The following DIS3L2 variants were observed in gnomAD, a reference collection of about 807,000 sequenced individuals.
The protein encoded by DIS3L2 is DIS3 like 3'-5' exoribonuclease 2.
A neutral mutation model predicts 97.5 loss-of-function variants in DIS3L2; 34 were observed. That is an observed-to-expected ratio of 0.35 (90% CI 0.27 to 0.46). DIS3L2 has a LOEUF of 0.46. Ranked by LOEUF, DIS3L2 falls within the 20% of genes least tolerant of loss-of-function variation. DIS3L2 has a pLI of 1.00. For synonymous variants in DIS3L2, 435 were observed against 445.2 expected (o/e 0.98, Z 0.29); for missense variants, 1,038 against 1,146.0 (o/e 0.91, Z 1.36).
chr2:232,147,997 T>TCTCCTCTCCTCTCCTCTCC (rs1690267825), intron 8 of DIS3L2, among the ~76,000 whole-genome samples: 2 of 97,546 alleles, frequency 2.1e-5, no homozygotes, highest in Non-Finnish European at 2.0e-5. Context: ...CTCCCCTCTT[T>TCTCCTCTCCTCTCCTCTCC]TCTCCTCTCC....
downstream of DIS3L2, among the ~76,000 whole-genome samples, chr2:232,341,696 ACT>A (rs1310872675): frequency 1.3e-5 from 2 of 151,978 alleles, no homozygotes; most frequent in African/African-American, 4.8e-5. Context: ...ATGACTGTAA[ACT>A]CTCTTTCCGC....
At chr2:232,336,329 G>T in intron 20 of DIS3L2, 140 bp from the exon 21 acceptor site, 1 of 1,547,522 alleles carries the variant, frequency 6.5e-7, no homozygotes, top group Non-Finnish European at 8.7e-7. Context: ...CCTGGAGGGG[G>T]CCCCCATTAC....
downstream of DIS3L2, chr2:232,339,870 G>C (rs181354254): frequency 1.6e-5 from 6 of 370,886 alleles, no homozygotes; most frequent in Non-Finnish European, 3.3e-5. Flanking sequence ...AGGAGGTCCC[G>C]GGAGGACCTG....
At chr2:232,134,596 G>A (rs189247564) in intron 7 of DIS3L2, among the ~76,000 whole-genome samples, 3 of 152,226 alleles carry the variant, frequency 2.0e-5, no homozygotes, top group East Asian at 1.9e-4. Flanking sequence ...AGGCCAAGGC[G>A]GGCAGATCTC....
intron 5 of DIS3L2, among the ~76,000 whole-genome samples, chr2:232,076,352 C>T (rs777229706): frequency 6.6e-6 from 1 of 152,086 alleles, no homozygotes; most frequent in Non-Finnish European, 1.5e-5. Flanking sequence ...TTCTGCTTTC[C>T]CTCATAGTCC....
At chr2:231,989,365 GTGTGTGTGTA>G (rs1231711998) in intron 1 of DIS3L2, among the ~76,000 whole-genome samples, 1 of 151,124 alleles carries the variant, frequency 6.6e-6, no homozygotes, top group East Asian at 1.9e-4. Context: ...GTGTGTGTGT[GTGTGTGTGTA>G]TGTGTGTGTT....
Position 232,244,485 on chromosome 2 carries a change from A to G in DIS3L2, c.1318-4754A>G, listed in dbSNP as rs370436006. 7.9e-5 allele frequency among the ~76,000 whole-genome samples: 12 copies of G among 152,330 alleles called. 2 individuals are homozygous for G. The highest frequency in any genetic ancestry group is 2.9e-4 in the African/African-American group (12 of 41,578). ...GCTGAACTTTGTCTTCTCCATGTGG[A>G]GTTTGAAACATTCATGGGACATCCA... On this transcript the variant is annotated intron_variant, in intron 11 of 20. Coordinates refer to ENST00000325385, the MANE Select transcript of DIS3L2 (RefSeq NM_152383.5).
intron 1 of DIS3L2, among the ~76,000 whole-genome samples, chr2:231,973,024 C>T (rs1046454839): frequency 1.7e-4 from 26 of 152,110 alleles, no homozygotes; most frequent in Non-Finnish European, 2.5e-4. Flanking sequence ...ATCAGGGTAA[C>T]GCTGGAAACC....
chr2:232,051,628 C>T (rs924334866), intron 5 of DIS3L2, among the ~76,000 whole-genome samples: 5 of 151,014 alleles, frequency 3.3e-5, no homozygotes, highest in Admixed American at 6.6e-5. Context: ...CCGGCTAAAA[C>T]GGTGAAACAC....
At chr2:232,320,967 G>C (rs1446563532) in intron 14 of DIS3L2, among the ~76,000 whole-genome samples, 2 of 152,192 alleles carry the variant, frequency 1.3e-5, no homozygotes, top group Non-Finnish European at 1.5e-5. Context: ...GGAGGGAGAT[G>C]TGTGAACTGA....
chr2:231,983,193 G>T (rs1377017864), intron 1 of DIS3L2, among the ~76,000 whole-genome samples: 1 of 152,094 alleles, frequency 6.6e-6, no homozygotes, highest in Admixed American at 6.5e-5. Context: ...TGGTTTTAGT[G>T]GTGTATTGAT....
chr2:232,135,533 T>C lies in DIS3L2; in HGVS notation c.703-939T>C, dbSNP rs574630648. Among the ~76,000 whole-genome samples the C allele has an allele frequency of 4.6e-5, 7 of 152,266 alleles. No homozygotes were observed. In the East Asian group the frequency reaches 1.2e-3, roughly 25 times the overall value. On this transcript the variant is annotated intron_variant, in intron 7 of 20. Transcript: ENST00000325385. ...GCAGTTTGTTTAAAATAGCTGTTTTTCAGGGAAGAAGGAAGAGTTAAGAGG... is the reference window on the plus strand; with the variant it reads ...GCAGTTTGTTTAAAATAGCTGTTTTCCAGGGAAGAAGGAAGAGTTAAGAGG...
intron 8 of DIS3L2, among the ~76,000 whole-genome samples, chr2:232,147,790 C>T (rs1168276025): frequency 6.6e-6 from 1 of 152,100 alleles, no homozygotes; most frequent in Non-Finnish European, 1.5e-5. Context: ...TAAAAATAAA[C>T]CCTTCTGCAA....
chr2:232,263,537 T>C, intron 13 of DIS3L2, 97 bp downstream of exon 13: 4 of 1,193,686 alleles, frequency 3.4e-6, no homozygotes, highest in Non-Finnish European at 4.8e-6. Context: ...TCTTCCTTCC[T>C]TCTCTTTGCT....
At chr2:232,332,732 G>A (rs1048251070) in intron 16 of DIS3L2, among the ~76,000 whole-genome samples, 19 of 152,326 alleles carry the variant, frequency 1.2e-4, no homozygotes, top group African/African-American at 4.3e-4. Context: ...GAGACGAGAA[G>A]GGCCGAGGCT....
intron 14 of DIS3L2, among the ~76,000 whole-genome samples, chr2:232,308,556 A>C (rs1412201450): frequency 6.6e-6 from 1 of 152,084 alleles, no homozygotes; most frequent in African/African-American, 2.4e-5. Context: ...TGTGAGAGAG[A>C]GCTACGCTGT....
At chr2:232,336,371 A>T in intron 20 of DIS3L2, 98 bp from the exon 21 acceptor site, 3 of 1,549,208 alleles carry the variant, frequency 1.9e-6, no homozygotes, top group Non-Finnish European at 2.6e-6. Flanking sequence ...CAGAGGCCGA[A>T]GGAGGGGCCA....
intron 10 of DIS3L2, among the ~76,000 whole-genome samples, chr2:232,236,705 C>T (rs1490900774): frequency 6.6e-6 from 1 of 152,048 alleles, no homozygotes; most frequent in Non-Finnish European, 1.5e-5. Context: ...CTTCCATGTG[C>T]TTCTCTCTGC....
chr2:232,024,664 T>G (rs1265238737), intron 4 of DIS3L2, among the ~76,000 whole-genome samples: 1 of 152,186 alleles, frequency 6.6e-6, no homozygotes, highest in Non-Finnish European at 1.5e-5. Context: ...CCGATTTAAG[T>G]TAATCTTTCC....
Sources: gnomAD v4.1 joint callset for allele counts (sites outside exome capture counted in the v4.1 genomes callset) on GRCh38, gnomAD v4.1.1 for gene constraint, MANE v1.5 for transcripts, NCBI Gene and HGNC (gene_info 2026-07-23, HGNC 2026-07-21) for gene names.